The following MGST1 variants were observed in gnomAD, a reference collection of about 807,000 sequenced individuals.
MGST1 encodes glutathione S-transferase 12.
A neutral mutation model predicts 8.9 loss-of-function variants in MGST1; 5 were observed. The ratio of observed to expected loss-of-function variants is 0.56; its 90% CI spans 0.29 to 1.19. MGST1 has a LOEUF of 1.19. Ranked by LOEUF, MGST1 falls within the 50% of genes most tolerant of loss-of-function variation. The pLI is 0.08. For missense variants in MGST1, 182 were observed against 187.4 expected (o/e 0.97, Z 0.17); for synonymous variants, 54 against 67.8 (o/e 0.80, Z 1.00).
chr12:16,401,269 T>A lies in MGST1; in HGVS notation n.778+17665T>A. Reference sequence around the variant, plus strand: ...CTTTTTCCCCTCCTTGTTAGTCAGGTCTGAGAATCCCAAACTGATGCTGAA... The same window carrying A: ...CTTTTTCCCCTCCTTGTTAGTCAGGACTGAGAATCCCAAACTGATGCTGAA... On this transcript the variant is annotated intron_variant and non_coding_transcript_variant, in intron 1 of 1. Coordinates refer to the MGST1 transcript ENST00000359720. This position sits in a 1 kb window ranked among gnomAD's most constrained non-coding sequence, Gnocchi z 4.3. 6.4e-7 allele frequency: 1 copy of A among 1,562,476 alleles called. No individual in the cohort carries two copies. The highest frequency in any genetic ancestry group is 1.1e-5 in the South Asian group (1 of 89,998).
In MGST1 at chr12:16,415,983, G is replaced by C. The variant is rs966938671; in HGVS notation, n.779-21405G>C. On this transcript the variant is annotated intron_variant and non_coding_transcript_variant, in intron 1 of 1. Coordinates refer to the MGST1 transcript ENST00000359720. ...AATCTTTCATTTCATTTCATATGCA[G>C]AGATTTTGCAAAAAGAGTAATATAC... Among the ~76,000 whole-genome samples the C allele has an allele frequency of 2.0e-5, 3 of 152,104 alleles. No individual in the cohort carries two copies. The South Asian group carries it at 6.2e-4, about 31-fold the overall frequency.
At chr12:16,512,605 T>C (rs1941584001) in intron 4 of MGST1, among the ~76,000 whole-genome samples, 1 of 152,182 alleles carries the variant, frequency 6.6e-6, no homozygotes, top group African/African-American at 2.4e-5. Flanking sequence ...TCCCTAAAAA[T>C]AAATACCTGA....
intron 1 of MGST1, among the ~76,000 whole-genome samples, chr12:16,405,286 C>A (rs572421578): frequency 3.4e-4 from 52 of 152,118 alleles, no homozygotes; most frequent in African/African-American, 1.2e-3. Flanking sequence ...AACCTCTATG[C>A]ACCCCTACAC....
intron 1 of MGST1, among the ~76,000 whole-genome samples, chr12:16,395,798 T>C (rs2417570): frequency 0.4 from 53,049 of 134,042 alleles, 11,034 homozygotes; most frequent in East Asian, 0.58. Context: ...TATATATATA[T>C]ATATATACAC....
intron 4 of MGST1, chr12:16,551,148 T>C (rs1295571854): frequency 2.1e-6 from 2 of 968,010 alleles, no homozygotes; most frequent in East Asian, 4.8e-5. Flanking sequence ...CTGTGTCAAT[T>C]CTTATGTACA....
intron 4 of MGST1, among the ~76,000 whole-genome samples, chr12:16,449,214 C>A (rs1381192130): frequency 6.6e-6 from 1 of 151,886 alleles, no homozygotes; most frequent in Non-Finnish European, 1.5e-5. Context: ...TCGTGAGGGT[C>A]TCAGGGGACT....
chr12:16,574,610 A>C (rs1471477059), intron 4 of MGST1, among the ~76,000 whole-genome samples: 1 of 152,134 alleles, frequency 6.6e-6, no homozygotes, highest in African/African-American at 2.4e-5. Flanking sequence ...CCACTTTTTA[A>C]ATTTTAAATC....
chr12:16,514,936 A>G, intron 4 of MGST1, among the ~76,000 whole-genome samples: 1 of 152,248 alleles, frequency 6.6e-6, no homozygotes, highest in East Asian at 1.9e-4. Flanking sequence ...AAGAGTTTAC[A>G]TGTGCAAGAA....
intron 4 of MGST1, among the ~76,000 whole-genome samples, chr12:16,483,405 C>G (rs902883396): frequency 1.3e-5 from 2 of 151,916 alleles, no homozygotes; most frequent in African/African-American, 2.4e-5. Context: ...CAACTTCCAA[C>G]CAACGGTGTG....
intron 4 of MGST1, among the ~76,000 whole-genome samples, chr12:16,469,403 G>A (rs570139214): frequency 6.6e-6 from 1 of 152,172 alleles, no homozygotes; most frequent in African/African-American, 2.4e-5. Flanking sequence ...TGACTAGACT[G>A]GTCTCAAACT....
chr12:16,564,278 T>TGC (rs1248176134), intron 4 of MGST1, among the ~76,000 whole-genome samples: 171 of 152,320 alleles, frequency 1.1e-3, no homozygotes, highest in African/African-American at 3.9e-3. Context: ...GAGAAATATT[T>TGC]AATAACTTTT....
At chr12:16,391,379 A>G (rs574667102) in intron 1 of MGST1, among the ~76,000 whole-genome samples, 1 of 133,366 alleles carries the variant, frequency 7.5e-6, no homozygotes, top group African/African-American at 2.9e-5. Context: ...ATGTGTTCTC[A>G]TTGTTCAACT....
At position 16,585,018 on chromosome 12, in the gene MGST1, T is replaced by C. The variant is rs1943273990; in HGVS notation, n.483-4510T>C. Among the ~76,000 whole-genome samples the C allele has an allele frequency of 6.6e-6, 1 of 152,222 alleles. No individual in the cohort carries two copies. The highest frequency in any genetic ancestry group is 6.5e-5 in the Admixed American group (1 of 15,278). On this transcript the variant is annotated intron_variant and non_coding_transcript_variant, in intron 4 of 4. Coordinates refer to the MGST1 transcript ENST00000538857. The surrounding 1 kb of genome is among the most constrained non-coding windows in gnomAD (Gnocchi z 4.7). ...ACATTAGAGTTAGTTGCCAATGTCT[T>C]ATATACAAGAGATTTTACTGAAATA... is the stretch of plus-strand genomic sequence containing the variant.
chr12:16,587,375 C>G lies in MGST1; in HGVS notation n.483-2153C>G, dbSNP rs1383426716. Among the ~76,000 whole-genome samples the G allele has an allele frequency of 1.3e-5, 2 of 152,126 alleles. No homozygotes were observed. The highest frequency in any genetic ancestry group is 3.9e-4 in the East Asian group (2 of 5,192). ...TCCAAAGCATTCTTAAAACGTTTCA[C>G]TTAAACATTTCTGCAATAAAATCTT... On this transcript the variant is annotated intron_variant and non_coding_transcript_variant, in intron 4 of 4. Coordinates refer to the MGST1 transcript ENST00000538857. The surrounding 1 kb of genome is among the most constrained non-coding windows in gnomAD (Gnocchi z 4.3).
In MGST1 at chr12:16,586,621, T is replaced by C. The variant is rs971019440; in HGVS notation, n.483-2907T>C. 6.6e-6 allele frequency among the ~76,000 whole-genome samples: 1 copy of C among 152,202 alleles called. No individual in the cohort carries two copies. Among genetic ancestry groups the C allele is most frequent in the African/African-American group, 2.4e-5 (1 of 41,458 alleles). The stretch of plus-strand genomic sequence containing the variant: ...GACGTCCTTTCTTGGCAGGACCACT[T>C]GTCTCCCAAAGCCTGTCCTAGGATG... On this transcript the variant is annotated intron_variant and non_coding_transcript_variant, in intron 4 of 4. Transcript: ENST00000538857. The surrounding 1 kb of genome is among the most constrained non-coding windows in gnomAD (Gnocchi z 4.3).
In MGST1 at chr12:16,517,616, A is replaced by G. The variant is rs991144375; in HGVS notation, n.483-71912A>G. ...TAATATTTTGTTATAGTAGCACAAA[A>G]TGAACCAAGACAGCAGGTAAGCAAA... On this transcript the variant is annotated intron_variant and non_coding_transcript_variant, in intron 4 of 4. Coordinates refer to the MGST1 transcript ENST00000538857. This position sits in a 1 kb window ranked among gnomAD's most constrained non-coding sequence, Gnocchi z 4.2. Among the ~76,000 whole-genome samples the G allele has an allele frequency of 2.6e-5, 4 of 152,226 alleles. No homozygotes were observed. The highest frequency in any genetic ancestry group is 9.6e-5 in the African/African-American group (4 of 41,466).
At chr12:16,524,979 C>T (rs1941673598) in intron 4 of MGST1, among the ~76,000 whole-genome samples, 1 of 151,888 alleles carries the variant, frequency 6.6e-6, no homozygotes. Flanking sequence ...CTGTTATTGC[C>T]TTTATCTTAT....
chr12:16,529,151 C>T (rs932788673), intron 4 of MGST1, among the ~76,000 whole-genome samples: 5 of 151,932 alleles, frequency 3.3e-5, no homozygotes, highest in South Asian at 2.1e-4. Flanking sequence ...ATAAACAATT[C>T]CTTTCTTAGT....
In MGST1 at chr12:16,584,869, C is replaced by G. The variant is rs1310211203; in HGVS notation, n.483-4659C>G. 6.6e-6 allele frequency among the ~76,000 whole-genome samples: 1 copy of G among 152,110 alleles called. No homozygotes were observed. The highest frequency in any genetic ancestry group is 6.5e-5 in the Admixed American group (1 of 15,268). ...GGCTCTGATCCTCTCTTCAAGAATT[C>G]AGGATGCGAGGAAATATTTTCAAAC... On this transcript the variant is annotated intron_variant and non_coding_transcript_variant, in intron 4 of 4. Coordinates refer to the MGST1 transcript ENST00000538857. This position sits in a 1 kb window ranked among gnomAD's most constrained non-coding sequence, Gnocchi z 5.2.
Sources: allele counts gnomAD v4.1 joint callset (sites outside exome capture counted in the v4.1 genomes callset), GRCh38; gene constraint gnomAD v4.1.1; non-coding constraint Gnocchi (gnomAD v3.1); transcripts MANE v1.5; gene names NCBI Gene and HGNC (gene_info 2026-07-23, HGNC 2026-07-21).